Variants in ALDH1A2 observed in about 807,000 individuals in gnomAD.
ALDH1A2 encodes the protein aldehyde dehydrogenase 1 family member A2.
ALDH1A2 carries 27 observed loss-of-function variants against 60.3 expected under a neutral mutation model. The observed-to-expected ratio is 0.45, with a 90% confidence interval of 0.33 to 0.62. ALDH1A2 has a LOEUF of 0.62. Among genes scored for constraint, ALDH1A2 ranks in the 20% least tolerant of loss-of-function variants. The pLI, the probability that ALDH1A2 is intolerant of heterozygous loss-of-function variation, is 0.02. For synonymous variants in ALDH1A2, 289 were observed against 232.4 expected (o/e 1.24, Z -2.21); for missense variants, 581 against 643.8 (o/e 0.90, Z 1.06).
rs571223221 is a variant in ALDH1A2 at position 58,063,445 on chromosome 15, T to C, written c.117+2089A>G. Among the ~76,000 whole-genome samples, 4 of 152,316 alleles carry C rather than the reference T, an allele frequency of 2.6e-5. No homozygotes were observed. In the East Asian group the frequency reaches 7.7e-4, roughly 29 times the overall value. The stretch of plus-strand genomic sequence containing the variant: ...AAATTGCTAATATAATTTCCCTCAC[T>C]TCTGGTCATGTTTGTTTTTAAAAAA... On this transcript the variant is annotated intron_variant, in intron 1 of 12. Transcript: ENST00000249750.
intron 3 of ALDH1A2, among the ~76,000 whole-genome samples, chr15:58,012,347 T>C (rs933650595): frequency 6.6e-6 from 1 of 152,064 alleles, no homozygotes; most frequent in Non-Finnish European, 1.5e-5. Context: ...CTAAGAACCA[T>C]GCTAGGATTA....
intron 4 of ALDH1A2, among the ~76,000 whole-genome samples, chr15:57,996,468 G>T (rs1222614683): frequency 1.3e-5 from 2 of 148,740 alleles, no homozygotes; most frequent in Non-Finnish European, 1.5e-5. Flanking sequence ...ATACAAACGG[G>T]ATATTATTCA....
At position 57,962,084 on chromosome 15, in the gene ALDH1A2, G is replaced by A. The variant is rs1429021401; in HGVS notation, c.1179C>T (p.Gly393=). Residue 393 remains glycine (G), a synonymous_variant, in exon 10 of 13, where the codon GGC becomes GGT. Coordinates refer to ENST00000249750, the MANE Select transcript of ALDH1A2 (RefSeq NM_003888.4). ...AKLECGGKGL[G]RKGFFIEPTV... is the part of the protein sequence containing the mutation. Reference sequence around the variant, plus strand: ...TGGGCTCAATGAAAAACCCCTTTCGGCCCAGTCCTTTGCCTCCACATTCCA... The same window carrying A: ...TGGGCTCAATGAAAAACCCCTTTCGACCCAGTCCTTTGCCTCCACATTCCA... 1 of 1,614,052 alleles carries A rather than the reference G, an allele frequency of 6.2e-7. No individual in the cohort carries two copies. Among genetic ancestry groups the A allele is most frequent in the Non-Finnish European group, 8.5e-7 (1 of 1,179,996 alleles).
At position 57,954,128 on chromosome 15, in the gene ALDH1A2, T is replaced by G. The variant is rs1382046345; in HGVS notation, c.*1069A>C. Reference sequence around the variant, plus strand: ...GAAACCCCTAGGCTTGGCCAGATTTTCCAAGGTCACTGCCAATAGATACAG... The same window carrying G: ...GAAACCCCTAGGCTTGGCCAGATTTGCCAAGGTCACTGCCAATAGATACAG... On this transcript the variant is annotated 3_prime_UTR_variant, in exon 13 of 13. Coordinates refer to ENST00000249750, the MANE Select transcript of ALDH1A2 (RefSeq NM_003888.4). 1 of 152,370 alleles carries G rather than the reference T, an allele frequency of 6.6e-6. No individual in the cohort carries two copies. The highest frequency in any genetic ancestry group is 1.5e-5 in the Non-Finnish European group (1 of 68,068). 9.4% of individuals were successfully genotyped at this position (152,370 alleles called of 1,614,324 possible).
At chr15:57,980,019 C>T in intron 7 of ALDH1A2, 1 of 332,636 alleles carries the variant, frequency 3.0e-6, no homozygotes, top group Non-Finnish European at 6.2e-6. Flanking sequence ...TTGTACCCAT[C>T]TGGAGGCCAA....
chr15:57,967,170 A>AT (rs34306826), intron 7 of ALDH1A2, among the ~76,000 whole-genome samples: 4,185 of 141,702 alleles, frequency 0.03, 73 homozygotes, highest in Middle Eastern at 0.11. Context: ...GACTGCCTGG[A>AT]TTTTTTTTTT....
chr15:58,006,474 ATGCATG>A, intron 4 of ALDH1A2, among the ~76,000 whole-genome samples: 1 of 152,100 alleles, frequency 6.6e-6, no homozygotes, highest in East Asian at 1.9e-4. Flanking sequence ...TGCTATAGAC[ATGCATG>A]TGCATGTGTC....
Position 57,961,177 on chromosome 15 carries a change from C to A in ALDH1A2, c.1369G>T (p.Ala457Ser). The change falls in exon 11 of 13, where the codon GCC becomes TCC. Residue 457 changes from alanine (A) to serine (S), a missense_variant. Physicochemically the swap from Ala to Ser is moderately conservative, Grantham distance 99. This residue lies in a region of ALDH1A2 where 375 missense variants were observed against 469.7 expected (regional missense o/e 0.80). Transcript: ENST00000249750. ...TGCATTGCAGAAGACACTGTGAGGG[C>A]CTTGTTGATGTCATTAGTAAAGACA... ...AAVFTNDINKALTVSSAMQAG... is the reference protein window; with the variant it reads ...AAVFTNDINKSLTVSSAMQAG... 1 of 1,614,102 alleles carries A rather than the reference C, an allele frequency of 6.2e-7. No individual in the cohort carries two copies. The highest frequency in any genetic ancestry group is 8.5e-7 in the Non-Finnish European group (1 of 1,180,006).
intron 4 of ALDH1A2, among the ~76,000 whole-genome samples, chr15:57,998,755 C>T (rs1895151598): frequency 6.6e-6 from 1 of 152,128 alleles, no homozygotes; most frequent in South Asian, 2.1e-4. Context: ...CAATCCTAAG[C>T]AAAAAGAACA....
chr15:58,028,217 A>C (rs1273828211), intron 1 of ALDH1A2, among the ~76,000 whole-genome samples: 1 of 152,202 alleles, frequency 6.6e-6, no homozygotes, highest in Admixed American at 6.5e-5. Context: ...AGAAGCTCTA[A>C]AAGCCAGAAG....
intron 7 of ALDH1A2, among the ~76,000 whole-genome samples, chr15:57,984,696 T>A (rs1894638182): frequency 6.6e-6 from 1 of 152,236 alleles, no homozygotes. Context: ...AATACCTCAC[T>A]CCTTTTTATG....
chr15:58,022,357 C>T (rs553052773), intron 1 of ALDH1A2, among the ~76,000 whole-genome samples: 10 of 152,288 alleles, frequency 6.6e-5, no homozygotes, highest in Middle Eastern at 3.4e-3. Context: ...AGTGCAACCT[C>T]GGGCCTGGAG....
At chr15:57,965,641 T>A (rs1893869207) in intron 8 of ALDH1A2, 84 bp downstream of exon 8, 1 of 997,986 alleles carries the variant, frequency 1.0e-6, no homozygotes, top group East Asian at 2.4e-5. Flanking sequence ...TATCTTTTGC[T>A]AGTGTCCCAT....
intron 7 of ALDH1A2, among the ~76,000 whole-genome samples, chr15:57,983,573 T>C (rs35640809): frequency 1.1e-3 from 162 of 152,344 alleles, no homozygotes; most frequent in Middle Eastern, 3.4e-3. Context: ...CAAATGTAAA[T>C]ATCTTCAACT....
chr15:57,958,216 A>ACACACACACGCACG (rs373783047), intron 12 of ALDH1A2, among the ~76,000 whole-genome samples: 1 of 80,252 alleles, frequency 1.2e-5, no homozygotes, highest in African/African-American at 3.6e-5. Context: ...ACACGCACGC[A>ACACACACACGCACG]CACACACACA....
intron 7 of ALDH1A2, 134 bp downstream of exon 7, chr15:57,992,571 A>G (rs567639098): frequency 3.1e-5 from 25 of 814,314 alleles, no homozygotes; most frequent in South Asian, 7.2e-5. Context: ...TATGACACCA[A>G]TGTTATCCTT....
intron 10 of ALDH1A2, among the ~76,000 whole-genome samples, chr15:57,961,756 G>A (rs1262125127): frequency 6.6e-6 from 1 of 152,076 alleles, no homozygotes; most frequent in Non-Finnish European, 1.5e-5. Context: ...GAGGCCAATG[G>A]CAGGCTATTC....
chr15:58,001,868 C>T (rs1355390764), intron 4 of ALDH1A2, among the ~76,000 whole-genome samples: 1 of 151,826 alleles, frequency 6.6e-6, no homozygotes, highest in East Asian at 1.9e-4. Context: ...ATGGGGACAC[C>T]AGAAAATGTT....
intron 1 of ALDH1A2, among the ~76,000 whole-genome samples, chr15:58,061,364 G>A (rs1416012529): frequency 6.6e-6 from 1 of 151,274 alleles, no homozygotes; most frequent in Non-Finnish European, 1.5e-5. Context: ...TAAAGGTTTG[G>A]AAGGATCTAG....
Sources: gnomAD v4.1 joint callset for allele counts (sites outside exome capture counted in the v4.1 genomes callset) on GRCh38, gnomAD v4.1.1 for gene constraint, gnomAD v4.1.1 regional missense constraint, MANE v1.5 for transcripts, NCBI Gene and HGNC (gene_info 2026-07-23, HGNC 2026-07-21) for gene names.